The following EYS variants were observed in gnomAD, a reference collection of about 807,000 sequenced individuals.
EYS encodes the protein EGF-like photoreceptor maintenance factor.
A neutral mutation model predicts 282.1 loss-of-function variants in EYS; 250 were observed. That is an observed-to-expected ratio of 0.89 (90% CI 0.80 to 0.98). The LOEUF (loss-of-function observed/expected upper bound fraction) is 0.98, where lower values mean the gene tolerates loss of function less well. Ranked by LOEUF, EYS falls within the 50% of genes least tolerant of loss-of-function variation. EYS has a pLI of 0.00. For synonymous variants in EYS, 1,355 were observed against 1,282.9 expected (o/e 1.06, Z -1.20); for missense variants, 4,016 against 3,709.0 (o/e 1.08, Z -2.15).
At chr6:64,750,639 A>G (rs1772715990) in intron 22 of EYS, among the ~76,000 whole-genome samples, 1 of 152,186 alleles carries the variant, frequency 6.6e-6, no homozygotes, top group African/African-American at 2.4e-5. Context: ...AAGAATTTCT[A>G]GGTTATTTAA....
chr6:63,885,642 T>A (rs1352305965), intron 35 of EYS, among the ~76,000 whole-genome samples: 2 of 152,126 alleles, frequency 1.3e-5, no homozygotes, highest in African/African-American at 4.8e-5. Context: ...GAATTACTAG[T>A]CAGAAATACA....
At chr6:63,826,845 C>CAAAAAAAAAAAAAAAAAAAGAAAAAAA (rs1771478105) in intron 36 of EYS, among the ~76,000 whole-genome samples, 27 of 76,736 alleles carry the variant, frequency 3.5e-4, no homozygotes, top group East Asian at 8.3e-4. Flanking sequence ...AGTTAAAAAG[C>CAAAAAAAAAAAAAAAAAAAGAAAAAAA]AAAAAAAAAA....
At chr6:64,998,114 G>C (rs1003980827) in intron 13 of EYS, among the ~76,000 whole-genome samples, 5 of 152,154 alleles carry the variant, frequency 3.3e-5, no homozygotes, top group Admixed American at 1.3e-4. Flanking sequence ...AGTTGTTAAA[G>C]TTCTATGTAT....
At chr6:64,486,484 A>G (rs1375978904) in intron 26 of EYS, among the ~76,000 whole-genome samples, 1 of 151,458 alleles carries the variant, frequency 6.6e-6, no homozygotes, top group African/African-American at 2.4e-5. Context: ...CATGGTGTAT[A>G]TAACTCATTG....
intron 22 of EYS, chr6:64,733,458 A>G: frequency 5.3e-6 from 1 of 190,338 alleles, no homozygotes; most frequent in Non-Finnish European, 1.2e-5. Flanking sequence ...CACCACAATG[A>G]TGCTGCTGAC....
At chr6:64,648,152 A>G (rs1007370035) in intron 22 of EYS, among the ~76,000 whole-genome samples, 2 of 152,142 alleles carry the variant, frequency 1.3e-5, no homozygotes, top group Admixed American at 1.3e-4. Context: ...GATGGCTGGC[A>G]CTGATGTTAT....
intron 23 of EYS, among the ~76,000 whole-genome samples, chr6:64,618,221 TA>T (rs1397067640): frequency 6.6e-6 from 1 of 152,186 alleles, no homozygotes; most frequent in African/African-American, 2.4e-5. Flanking sequence ...CCAACATTGC[TA>T]AGTATTCCAT....
At chr6:65,047,014 C>T (rs1018164415) in intron 13 of EYS, among the ~76,000 whole-genome samples, 1 of 151,784 alleles carries the variant, frequency 6.6e-6, no homozygotes, top group African/African-American at 2.4e-5. Context: ...TCCCCTTCAC[C>T]TTCTGCTGTG....
chr6:64,177,081 A>T (rs1330386181), intron 31 of EYS, among the ~76,000 whole-genome samples: 3 of 151,916 alleles, frequency 2.0e-5, no homozygotes, highest in South Asian at 2.1e-4. Context: ...ACTATAAATT[A>T]TTCATAATTT....
intron 19 of EYS, among the ~76,000 whole-genome samples, chr6:64,873,817 CTA>C (rs1463836478): frequency 6.6e-6 from 1 of 151,814 alleles, no homozygotes; most frequent in Non-Finnish European, 1.5e-5. Flanking sequence ...TATACAATTA[CTA>C]TGTGTCAATT....
At chr6:63,952,865 A>G (rs1163726588) in intron 35 of EYS, among the ~76,000 whole-genome samples, 1 of 152,156 alleles carries the variant, frequency 6.6e-6, no homozygotes, top group East Asian at 1.9e-4. Flanking sequence ...CTCAACGCCA[A>G]TATCCCATCC....
At chr6:64,706,555 C>G (rs1347463754) in intron 22 of EYS, among the ~76,000 whole-genome samples, 1 of 152,078 alleles carries the variant, frequency 6.6e-6, no homozygotes, top group East Asian at 1.9e-4. Context: ...TCTTCACAAT[C>G]TATACATCTG....
intron 19 of EYS, among the ~76,000 whole-genome samples, chr6:64,857,141 T>C (rs1000461194): frequency 1.3e-5 from 2 of 152,180 alleles, no homozygotes; most frequent in Non-Finnish European, 2.9e-5. Context: ...TTGTCTATAC[T>C]TCCAACAATA....
chr6:64,759,095 C>A (rs1248567757), intron 22 of EYS, among the ~76,000 whole-genome samples: 2 of 152,116 alleles, frequency 1.3e-5, no homozygotes, highest in Non-Finnish European at 2.9e-5. Context: ...GAAGAGATCA[C>A]TCCACTGCAC....
At chr6:65,195,601 A>G (rs1207559463) in intron 12 of EYS, among the ~76,000 whole-genome samples, 1 of 152,018 alleles carries the variant, frequency 6.6e-6, no homozygotes, top group Admixed American at 6.6e-5. Flanking sequence ...ACATCAGAAC[A>G]TTATTCTTAC....
chr6:65,194,217 G>A (rs1009557312), intron 12 of EYS, among the ~76,000 whole-genome samples: 1 of 151,610 alleles, frequency 6.6e-6, no homozygotes, highest in Admixed American at 6.6e-5. Context: ...TGTTCAATAG[G>A]AGTTTTTAAA....
At chr6:65,322,795 CA>C (rs57571912) in intron 11 of EYS, among the ~76,000 whole-genome samples, 5,257 of 71,466 alleles carry the variant, frequency 0.074, 202 homozygotes, top group African/African-American at 0.18. Context: ...GAATCCGTCT[CA>C]AAAAAAAAAA....
intron 12 of EYS, among the ~76,000 whole-genome samples, chr6:65,115,766 T>A (rs1426835928): frequency 7.7e-6 from 1 of 129,780 alleles, no homozygotes; most frequent in Non-Finnish European, 1.6e-5. Context: ...GCCTCTCTGA[T>A]AAAAGACATA....
intron 12 of EYS, among the ~76,000 whole-genome samples, chr6:65,059,795 C>A (rs890576404): frequency 1.3e-5 from 2 of 151,938 alleles, no homozygotes; most frequent in African/African-American, 4.8e-5. Flanking sequence ...TGTCTTGTGA[C>A]AAATACACTT....
Sources: allele counts gnomAD v4.1 joint callset (sites outside exome capture counted in the v4.1 genomes callset), GRCh38; gene constraint gnomAD v4.1.1; transcripts MANE v1.5; gene names NCBI Gene and HGNC (gene_info 2026-07-23, HGNC 2026-07-21).